Variants in SATB1 observed in about 807,000 individuals in gnomAD.
SATB1 encodes SATB homeobox 1.
Under a neutral mutation model 86.9 loss-of-function variants are expected in SATB1, and 11 were observed. The observed-to-expected ratio is 0.13, with a 90% CI of 0.08 to 0.21. SATB1 has a LOEUF of 0.21. SATB1 is among the 10% of genes least tolerant of loss of function. The pLI, the probability that SATB1 is intolerant of heterozygous loss-of-function variation, is 1.00. For synonymous variants in SATB1, 357 were observed against 357.2 expected, an observed-to-expected ratio of 1.00 and a Z score of 0.01; for missense variants, 551 against 937.6, an observed-to-expected ratio of 0.59 and a Z score of 5.39.
At chr3:18,416,460 G>A (rs1277707289) in intron 3 of SATB1, among the ~76,000 whole-genome samples, 2 of 152,066 alleles carry the variant, frequency 1.3e-5, no homozygotes, top group Admixed American at 6.6e-5. Context: ...ATGGCTTTAT[G>A]ATTTAGATAA....
intron 2 of SATB1, 21 bp from the exon 3 acceptor site, chr3:18,417,099 A>G: frequency 3.7e-6 from 6 of 1,606,420 alleles, no homozygotes; most frequent in Non-Finnish European, 5.1e-6. Context: ...GATGAAGAAG[A>G]AGAGATGGAA....
At chr3:18,360,180 C>T (rs1011264877) in intron 9 of SATB1, among the ~76,000 whole-genome samples, 2 of 152,084 alleles carry the variant, frequency 1.3e-5, no homozygotes, top group African/African-American at 2.4e-5. Context: ...TTTAATTTCG[C>T]CCATGAAACT....
chr3:18,408,556 GCT>G (rs766679305), intron 5 of SATB1: 9 of 151,956 alleles, frequency 5.9e-5, no homozygotes, highest in South Asian at 2.1e-4. Context: ...CAGGGCTGAG[GCT>G]CTCCTCTGTT....
At chr3:18,368,709 T>C (rs1695310093) in intron 9 of SATB1, among the ~76,000 whole-genome samples, 1 of 151,980 alleles carries the variant, frequency 6.6e-6, no homozygotes, top group Non-Finnish European at 1.5e-5. Context: ...AAAACAAAAA[T>C]AAAGATAAAA....
At chr3:18,440,214 T>C (rs533941879), upstream of SATB1, among the ~76,000 whole-genome samples, 1 of 152,338 alleles carries the variant, frequency 6.6e-6, no homozygotes, top group African/African-American at 2.4e-5. Flanking sequence ...AAGATGACTA[T>C]TTTAAGTGGC....
intron 9 of SATB1, among the ~76,000 whole-genome samples, chr3:18,372,926 G>A (rs1695547170): frequency 6.6e-6 from 1 of 152,184 alleles, no homozygotes. Flanking sequence ...CAAGAATGGA[G>A]CACAGGGACC....
At chr3:18,399,004 T>C (rs1697108333) in intron 5 of SATB1, among the ~76,000 whole-genome samples, 2 of 152,186 alleles carry the variant, frequency 1.3e-5, no homozygotes, top group Admixed American at 6.6e-5. Flanking sequence ...TGGATAATGG[T>C]GATTCTTCTG....
At chr3:18,393,490 T>C (rs1696799465) in intron 7 of SATB1, among the ~76,000 whole-genome samples, 1 of 152,202 alleles carries the variant, frequency 6.6e-6, no homozygotes, top group Non-Finnish European at 1.5e-5. Context: ...CAAATATCTT[T>C]ATCTTATGAC....
At chr3:18,440,054 A>T (rs1257346084), upstream of SATB1, among the ~76,000 whole-genome samples, 3 of 152,342 alleles carry the variant, frequency 2.0e-5, no homozygotes, top group East Asian at 5.8e-4. Context: ...AAAAACTTAA[A>T]CATTCCATCT....
At position 18,413,061 on chromosome 3, in the gene SATB1, T is replaced by A. The variant is rs74586758; in HGVS notation, c.639+2050A>T. On this transcript the variant is annotated intron_variant, in intron 5 of 10. Coordinates refer to ENST00000338745, the MANE Select transcript of SATB1 (RefSeq NM_002971.6). ...AACTGATGTTGATATTGTAGCCTAG[T>A]TCCATCACTTAATGATTACAGTGAG... 1.2e-3 allele frequency among the ~76,000 whole-genome samples: 186 copies of A among 152,182 alleles called. 6 individuals are homozygous for A. In the East Asian group the frequency reaches 0.033, roughly 27 times the overall value.
intron 8 of SATB1, among the ~76,000 whole-genome samples, chr3:18,384,135 TCAGAA>T (rs1696201032): frequency 6.6e-6 from 1 of 152,108 alleles, no homozygotes; most frequent in South Asian, 2.1e-4. Context: ...CAGCTCCTCT[TCAGAA>T]CAAACAAATA....
chr3:18,369,173 AAAAG>A (rs202159556), intron 9 of SATB1, among the ~76,000 whole-genome samples: 50,721 of 148,662 alleles, frequency 0.34, 9,585 homozygotes, highest in Admixed American at 0.44. Flanking sequence ...AAAAAAAAAA[AAAAG>A]AAAGAAAAGC....
chr3:18,430,399 A>T (rs781543503), intron 2 of SATB1, among the ~76,000 whole-genome samples: 9 of 152,214 alleles, frequency 5.9e-5, no homozygotes, highest in Non-Finnish European at 1.2e-4. Context: ...CTTTCTAGAC[A>T]TGTCTGTACT....
In SATB1 at chr3:18,397,164, G is replaced by GA. The variant is rs779785695; in HGVS notation, c.751+14_751+15insT. On this transcript the variant is annotated intron_variant, in intron 6 of 10. Transcript: ENST00000338745. ...AATGGTATGTAGCCACTGCTGCAAT[G>GA]TTTTTTTTGCTTACCCATCATATCT... 7.1e-7 allele frequency: 1 copy of GA among 1,409,824 alleles called. No homozygotes were observed. Among genetic ancestry groups the GA allele is most frequent in the Admixed American group, 1.7e-5 (1 of 59,698 alleles). The allele number at this position is 1,409,824 out of a possible 1,614,324, so 87.3% of individuals were successfully genotyped here.
chr3:18,388,226 C>A (rs1230795582), intron 7 of SATB1, among the ~76,000 whole-genome samples: 4 of 152,046 alleles, frequency 2.6e-5, no homozygotes, highest in African/African-American at 9.7e-5. Flanking sequence ...TTCAGTCAAA[C>A]AGGCAGTCAA....
chr3:18,380,113 T>C (rs929926663), intron 8 of SATB1, among the ~76,000 whole-genome samples: 1 of 152,192 alleles, frequency 6.6e-6, no homozygotes, highest in African/African-American at 2.4e-5. Context: ...AGGGATAGAT[T>C]TGATCACCCC....
At chr3:18,405,384 C>T (rs1697471412) in intron 5 of SATB1, among the ~76,000 whole-genome samples, 2 of 151,802 alleles carry the variant, frequency 1.3e-5, no homozygotes, top group South Asian at 4.1e-4. Context: ...TGTTAAGTTC[C>T]AGAGGTCCTA....
intron 2 of SATB1, among the ~76,000 whole-genome samples, chr3:18,433,521 TATC>T (rs778611889): frequency 1.3e-5 from 2 of 152,258 alleles, no homozygotes; most frequent in East Asian, 1.9e-4. Context: ...TCAGTTTTCA[TATC>T]ATCTATTCCT....
At chr3:18,426,000 C>A (rs1221491243), upstream of SATB1, among the ~76,000 whole-genome samples, 1 of 152,150 alleles carries the variant, frequency 6.6e-6, no homozygotes, top group Non-Finnish European at 1.5e-5. Flanking sequence ...GGGAGACGCA[C>A]CGGCCCCGTG....
Sources: allele counts gnomAD v4.1 joint callset (sites outside exome capture counted in the v4.1 genomes callset), GRCh38; gene constraint gnomAD v4.1.1; transcripts MANE v1.5; gene names NCBI Gene and HGNC (gene_info 2026-07-23, HGNC 2026-07-21).